DBNL: variants seen among roughly 807,000 people sequenced by gnomAD.
DBNL encodes the protein drebrin like.
DBNL carries 35 observed loss-of-function variants against 62.2 expected under a neutral mutation model. That is an observed-to-expected ratio of 0.56 (90% CI 0.43 to 0.75). The LOEUF (loss-of-function observed/expected upper bound fraction) is 0.75. Ranked by LOEUF, DBNL falls within the 30% of genes least tolerant of loss-of-function variation. DBNL has a pLI of 0.00. For missense variants in DBNL, 495 were observed against 578.4 expected (o/e 0.86, Z 1.48); for synonymous variants, 197 against 218.0 (o/e 0.90, Z 0.85).
At chr7:44,048,504 T>A (rs1293410653) in intron 1 of DBNL, among the ~76,000 whole-genome samples, 3 of 152,250 alleles carry the variant, frequency 2.0e-5, no homozygotes, top group South Asian at 4.1e-4. Context: ...CCCGGAGGCC[T>A]GTCTCCTCCC....
rs762089261 is a variant in DBNL at position 44,059,012 on chromosome 7, A to C, written c.835+29A>C. The C allele has an allele frequency of 6.2e-7, 1 of 1,611,342 alleles. No individual in the cohort carries two copies. Among genetic ancestry groups the C allele is most frequent in the South Asian group, 1.1e-5 (1 of 90,956 alleles). ...AGCTCTCCCTTTGGGCCTGGCCATG[A>C]GGCAGCAGCAGGCTGAGGGGGAGCC... On this transcript the variant is annotated intron_variant, in intron 9 of 12. Coordinates refer to ENST00000448521, the MANE Select transcript of DBNL (RefSeq NM_001014436.3). The surrounding 1 kb of genome is among the most constrained non-coding windows in gnomAD (Gnocchi z 4.1).
At chr7:44,051,585 T>TA (rs917264871) in intron 2 of DBNL, 20 of 344,318 alleles carry the variant, frequency 5.8e-5, no homozygotes, top group East Asian at 9.5e-5. Context: ...CGAGTGTGGG[T>TA]AAAAAAAATT....
rs186805889 is a variant in DBNL, at chr7:44,059,951, T to G, written c.1048-97T>G. On this transcript the variant is annotated intron_variant, in intron 11 of 12. Transcript: ENST00000448521. This position sits in a 1 kb window ranked among gnomAD's most constrained non-coding sequence, Gnocchi z 4.1. Reference sequence around the variant, plus strand: ...CCCCGAGCCTGTAGACTGCTTGCCCTCTGCGTACTCCCAGCTTGACCTGAG... The same window carrying G: ...CCCCGAGCCTGTAGACTGCTTGCCCGCTGCGTACTCCCAGCTTGACCTGAG... 2 of 1,262,794 alleles carry G rather than the reference T, an allele frequency of 1.6e-6. No homozygotes were observed. Among genetic ancestry groups the G allele is most frequent in the East Asian group, 5.1e-5 (2 of 39,258 alleles). The allele number at this position is 1,262,794 out of a possible 1,614,324, so 78.2% of individuals were successfully genotyped here.
chr7:44,058,675 C>T (rs2096141769), intron 8 of DBNL, 195 bp downstream of exon 8: 1 of 855,848 alleles, frequency 1.2e-6, no homozygotes, highest in Non-Finnish European at 1.8e-6. Context: ...TTGGACCACA[C>T]CTGGTCCTGG....
chr7:44,067,363 A>G lies in DBNL; in HGVS notation c.*6447A>G, dbSNP rs1049530373. ...TGCAGCTGTGTAGGAGTGGAAGTAG[A>G]AGCTGAGTACCCTGCAGGTCTCGGC... is the stretch of plus-strand genomic sequence containing the variant. On this transcript the variant is annotated 3_prime_UTR_variant, in exon 13 of 13. Coordinates refer to ENST00000448521, the MANE Select transcript of DBNL (RefSeq NM_001014436.3). The G allele has an allele frequency of 6.6e-6, 1 of 152,214 alleles. No individual in the cohort carries two copies. Among genetic ancestry groups the G allele is most frequent in the Non-Finnish European group, 1.5e-5 (1 of 68,056 alleles). 9.4% of individuals were successfully genotyped at this position (152,214 alleles called of 1,614,324 possible). A position where few individuals can be genotyped will look rare whatever the true frequency, so the allele number is the denominator to read the frequency against.
chr7:44,059,797 T>C lies in DBNL; in HGVS notation c.1047+139T>C. 1 of 920,378 alleles carries C rather than the reference T, an allele frequency of 1.1e-6. No individual in the cohort carries two copies. The highest frequency in any genetic ancestry group is 2.6e-5 in the East Asian group (1 of 37,830). 57.0% of individuals were successfully genotyped at this position (920,378 alleles called of 1,614,324 possible). A position where few individuals can be genotyped will look rare whatever the true frequency, so the allele number is the denominator to read the frequency against. ...TTTGGAGCAGCCCTGTGTTATAAAT[T>C]GTCAGGGCACGCCCCACTCTATAGG... On this transcript the variant is annotated intron_variant, in intron 11 of 12. Transcript: ENST00000448521. This position sits in a 1 kb window ranked among gnomAD's most constrained non-coding sequence, Gnocchi z 4.1.
chr7:44,049,049 C>T (rs1418722886), intron 1 of DBNL, among the ~76,000 whole-genome samples: 1 of 151,854 alleles, frequency 6.6e-6, no homozygotes, highest in South Asian at 2.1e-4. Context: ...GAGACAGGGT[C>T]CCACCATGTT....
At position 44,059,091 on chromosome 7, in the gene DBNL, T is replaced by C. The variant is rs918637927; in HGVS notation, c.835+108T>C. On this transcript the variant is annotated intron_variant, in intron 9 of 12. Coordinates refer to ENST00000448521, the MANE Select transcript of DBNL (RefSeq NM_001014436.3). This position sits in a 1 kb window ranked among gnomAD's most constrained non-coding sequence, Gnocchi z 4.1. Reference sequence around the variant, plus strand: ...TAGTGACAGATATATCGGTGACGGGTGAGTGAGTGAGGAGAAGGGACACCT... The same window carrying C: ...TAGTGACAGATATATCGGTGACGGGCGAGTGAGTGAGGAGAAGGGACACCT... 1.8e-6 allele frequency: 2 copies of C among 1,104,390 alleles called. No individual in the cohort carries two copies. The highest frequency in any genetic ancestry group is 1.5e-5 in the African/African-American group (1 of 65,202). 68.4% of individuals were successfully genotyped at this position (1,104,390 alleles called of 1,614,324 possible).
rs1007389491 is a variant in DBNL at position 44,064,674 on chromosome 7, A to G, written c.*3758A>G. The G allele has an allele frequency of 7.1e-6, 5 of 699,670 alleles. No individual in the cohort carries two copies. Among genetic ancestry groups the G allele is most frequent in the Non-Finnish European group, 1.2e-5 (5 of 411,770 alleles). The allele number at this position is 699,670 out of a possible 1,614,324, so 43.3% of individuals were successfully genotyped here. ...ACACAGAAATGGGGAAAATTTCACA[A>G]AACTAAAAAATGGCTTCTCAGCCCT... On this transcript the variant is annotated 3_prime_UTR_variant, in exon 13 of 13. Transcript: ENST00000448521.
rs766621999 is a variant in DBNL, at chr7:44,065,331, G to A, written c.*4415G>A. The A allele has an allele frequency of 2.5e-6, 4 of 1,613,740 alleles. No homozygotes were observed. The South Asian group carries it at 4.4e-5, about 18-fold the overall frequency. ...TCCGTGCCGTCCAGGATGGCCCAGA[G>A]GGTGCGGATGGCCCGCTTCAGCACT... On this transcript the variant is annotated 3_prime_UTR_variant, in exon 13 of 13. Transcript: ENST00000448521.
chr7:44,047,032 C>T (rs1306223601), intron 1 of DBNL, among the ~76,000 whole-genome samples: 1 of 152,210 alleles, frequency 6.6e-6, no homozygotes, highest in East Asian at 1.9e-4. Context: ...GGTGGCTCCC[C>T]AGCCTTCACT....
intron 6 of DBNL, 74 bp downstream of exon 6, chr7:44,057,933 G>C: frequency 6.3e-7 from 1 of 1,598,664 alleles, no homozygotes; most frequent in Non-Finnish European, 8.5e-7. Flanking sequence ...CCTCACAAGT[G>C]AGCTCATGCA....
Position 44,069,275 on chromosome 7 carries a change from G to A in DBNL, c.*8359G>A, listed in dbSNP as rs2096164974. 1 of 152,162 alleles carries A rather than the reference G, an allele frequency of 6.6e-6. No homozygotes were observed. Among genetic ancestry groups the A allele is most frequent in the Admixed American group, 6.5e-5 (1 of 15,274 alleles). 9.4% of individuals were successfully genotyped at this position (152,162 alleles called of 1,614,324 possible). ...TTTACTTCTTTAAGAGTTATGTGAT[G>A]GTTGAATTAAGTCATGATACTGTCT... On this transcript the variant is annotated 3_prime_UTR_variant, in exon 13 of 13. Coordinates refer to ENST00000448521, the MANE Select transcript of DBNL (RefSeq NM_001014436.3).
In DBNL at chr7:44,059,545, C is replaced by G; in HGVS notation, c.934C>G (p.Leu312Val). 6.2e-7 allele frequency: 1 copy of G among 1,613,454 alleles called. No individual in the cohort carries two copies. Among genetic ancestry groups the G allele is most frequent in the Non-Finnish European group, 8.5e-7 (1 of 1,179,892 alleles). The change falls in exon 11 of 13, where the codon CTC (leucine) becomes GTC (valine). Residue 312 changes from leucine to valine, a missense_variant and splice_region_variant. Physicochemically the swap from Leu to Val is conservative, Grantham distance 32 (BLOSUM62 1). Transcript: ENST00000448521. The surrounding 1 kb of genome is among the most constrained non-coding windows in gnomAD (Gnocchi z 4.1). ...ACCTGCTGTGTTCCCTGGTGCAGAT[C>G]TCCCTGCTGAGGAGCCGGCGCCCAG... ...AAAISRPRAD[L>V]PAEEPAPSTP...
rs564271062 is a variant in DBNL, at chr7:44,053,511, C to A, written c.327+570C>A. ...TTCTGCCAACATTTCTTCAGCTATA[C>A]CTCAGTTTCCATCTAGGAGCTGATA... On this transcript the variant is annotated intron_variant, in intron 4 of 12. Transcript: ENST00000448521. Among the ~76,000 whole-genome samples, 10 of 152,252 alleles carry A rather than the reference C, an allele frequency of 6.6e-5. No individual in the cohort carries two copies. In the East Asian group the frequency reaches 1.9e-3, roughly 29 times the overall value.
At chr7:44,055,361 A>C (rs1434289887) in intron 4 of DBNL, among the ~76,000 whole-genome samples, 1 of 152,180 alleles carries the variant, frequency 6.6e-6, no homozygotes, top group Non-Finnish European at 1.5e-5. Flanking sequence ...CCAGCTACTC[A>C]GGAAGCTGAG....
chr7:44,058,487 TG>T lies in DBNL; in HGVS notation c.753+12del. 1 of 1,613,938 alleles carries T rather than the reference TG, an allele frequency of 6.2e-7. No individual in the cohort carries two copies. Among genetic ancestry groups the T allele is most frequent in the Non-Finnish European group, 8.5e-7 (1 of 1,179,970 alleles). ...AAGGAACCGAAATGAGCAGGTAAGATGGGGGTGCTCTACTTGTTTGGACCTG... is the reference window on the plus strand; with the variant it reads ...AAGGAACCGAAATGAGCAGGTAAGATGGGGTGCTCTACTTGTTTGGACCTG... On this transcript the variant is annotated splice_region_variant and intron_variant, in intron 8 of 12. Coordinates refer to ENST00000448521, the MANE Select transcript of DBNL (RefSeq NM_001014436.3).
chr7:44,052,002 T>A, intron 3 of DBNL, 60 bp downstream of exon 3: 1 of 1,498,930 alleles, frequency 6.7e-7, no homozygotes, highest in Non-Finnish European at 9.3e-7. Flanking sequence ...TTCTTTCCTG[T>A]TTTGACTTGA....
In DBNL at chr7:44,065,517, G is replaced by A. The variant is rs374348751; in HGVS notation, c.*4601G>A. On this transcript the variant is annotated 3_prime_UTR_variant, in exon 13 of 13. Transcript: ENST00000448521. ...TCGCCGTGCCGGACCATCACGAGGCGGTGAGTGGCCATGGTGGCAGCAGGG... is the reference window on the plus strand; with the variant it reads ...TCGCCGTGCCGGACCATCACGAGGCAGTGAGTGGCCATGGTGGCAGCAGGG... 1.5e-5 allele frequency: 25 copies of A among 1,613,838 alleles called. No homozygotes were observed. The South Asian group carries it at 1.6e-4, about 11-fold the overall frequency.
Sources: allele counts gnomAD v4.1 joint callset (sites outside exome capture counted in the v4.1 genomes callset), GRCh38; gene constraint gnomAD v4.1.1; non-coding constraint Gnocchi (gnomAD v3.1); transcripts MANE v1.5; gene names NCBI Gene and HGNC (gene_info 2026-07-23, HGNC 2026-07-21).